CDYL: variants seen among roughly 807,000 people sequenced by gnomAD.
CDYL encodes the protein chromodomain Y like, also known as chromodomain Y-like protein.
Under a neutral mutation model 47.3 loss-of-function variants are expected in CDYL, and 8 were observed. The ratio of observed to expected loss-of-function variants is 0.17; its 90% CI spans 0.10 to 0.31. The LOEUF (loss-of-function observed/expected upper bound fraction) is 0.31, where lower values mean the gene tolerates loss of function less well. Ranked by LOEUF, CDYL falls within the 10% of genes least tolerant of loss-of-function variation. The pLI is 1.00. For synonymous variants in CDYL, 266 were observed against 265.0 expected (o/e 1.00, Z -0.04); for missense variants, 471 against 701.4 (o/e 0.67, Z 3.71).
intron 1 of CDYL, among the ~76,000 whole-genome samples, chr6:4,712,686 T>A (rs1360517501): frequency 6.6e-6 from 1 of 152,178 alleles, no homozygotes; most frequent in Admixed American, 6.5e-5. Context: ...AAGAGGAGAT[T>A]CGGACTGTTA....
chr6:4,765,317 C>T (rs532226262), intron 3 of CDYL, among the ~76,000 whole-genome samples: 13 of 149,380 alleles, frequency 8.7e-5, no homozygotes, highest in Non-Finnish European at 1.3e-4. Context: ...AGGGAGACTT[C>T]GTCTCAAAAA....
intron 1 of CDYL, among the ~76,000 whole-genome samples, chr6:4,782,898 T>C (rs1758654369): frequency 6.6e-6 from 1 of 152,216 alleles, no homozygotes; most frequent in Admixed American, 6.5e-5. Flanking sequence ...AGAAGTTGTA[T>C]GCTATTTCTA....
intron 2 of CDYL, among the ~76,000 whole-genome samples, chr6:4,899,408 G>A (rs6934198): frequency 0.98 from 149,281 of 152,314 alleles, 73,216 homozygotes; most frequent in East Asian, 1. Context: ...TAGGTTTGAG[G>A]GCTCATATAC....
rs1172381631 is a variant in CDYL, at chr6:4,708,167, CACACACACACATAT to C, written c.-39+1918_-39+1931del. 6.2e-5 allele frequency among the ~76,000 whole-genome samples: 8 copies of C among 128,282 alleles called. No homozygotes were observed. The South Asian group carries it at 1.3e-3, about 21-fold the overall frequency. 84.2% of individuals were successfully genotyped at this position (128,282 alleles called of 152,430 possible). A position where few individuals can be genotyped will look rare whatever the true frequency, so the allele number is the denominator to read the frequency against. Reference sequence around the variant, plus strand: ...GTGTACACACACACACACACACACACACACACACACATATATATATATATATTTGAGACAGAATC... The same window carrying C: ...GTGTACACACACACACACACACACACATATATATATATTTGAGACAGAATC... On this transcript the variant is annotated intron_variant, in intron 1 of 8. Coordinates refer to the CDYL transcript ENST00000328908.
At chr6:4,780,874 A>T (rs1343212578) in intron 1 of CDYL, among the ~76,000 whole-genome samples, 1 of 152,230 alleles carries the variant, frequency 6.6e-6, no homozygotes. Flanking sequence ...TTTATTTAGC[A>T]GTCAAGTAAC....
chr6:4,756,576 G>A (rs1467708082), intron 3 of CDYL, among the ~76,000 whole-genome samples: 3 of 138,642 alleles, frequency 2.2e-5, no homozygotes, highest in East Asian at 3.9e-4. Context: ...AAATTATCGT[G>A]TGTATGTGTG....
At chr6:4,829,570 A>G (rs1760076715) in intron 1 of CDYL, among the ~76,000 whole-genome samples, 1 of 152,132 alleles carries the variant, frequency 6.6e-6, no homozygotes, top group Admixed American at 6.5e-5. Flanking sequence ...CTTTCCCCTT[A>G]CACCCACATG....
At chr6:4,843,799 A>G (rs902022689) in intron 1 of CDYL, among the ~76,000 whole-genome samples, 1 of 152,142 alleles carries the variant, frequency 6.6e-6, no homozygotes, top group Admixed American at 6.5e-5. Context: ...TAGCTTAATA[A>G]TCGACCTGCT....
intron 2 of CDYL, among the ~76,000 whole-genome samples, chr6:4,725,236 C>A (rs1415524444): frequency 6.6e-6 from 1 of 152,248 alleles, no homozygotes; most frequent in Non-Finnish European, 1.5e-5. Context: ...CTCCAAGTCC[C>A]CACCAGAATC....
In CDYL at chr6:4,819,158, CTCTCTGTG is replaced by C. The variant is rs1365920750; in HGVS notation, c.24+42353_24+42360del. Among the ~76,000 whole-genome samples, 327 of 128,978 alleles carry C rather than the reference CTCTCTGTG, an allele frequency of 2.5e-3. 2 individuals carry two copies. Among genetic ancestry groups the C allele is most frequent in the African/African-American group, 0.012 (298 of 23,856 alleles). The allele number at this position is 128,978 out of a possible 152,430, so 84.6% of individuals were successfully genotyped here. A position where few individuals can be genotyped will look rare whatever the true frequency, so the allele number is the denominator to read the frequency against. ...TCTCTCTCTCTCTCTCTCTCTCTCT[CTCTCTGTG>C]TGTGTGTGTGTGTGTGTAGCTCTTC... On this transcript the variant is annotated intron_variant, in intron 1 of 6. Coordinates refer to ENST00000397588, the MANE Select transcript of CDYL (RefSeq NM_004824.4).
At chr6:4,734,098 C>T (rs1323438267) in intron 2 of CDYL, among the ~76,000 whole-genome samples, 7 of 152,174 alleles carry the variant, frequency 4.6e-5, no homozygotes, top group Non-Finnish European at 8.8e-5. Context: ...TCTCAGCCTC[C>T]CAAAGTGCTG....
intron 2 of CDYL, among the ~76,000 whole-genome samples, chr6:4,918,355 T>C (rs1156884549): frequency 1.3e-5 from 2 of 151,034 alleles, no homozygotes; most frequent in East Asian, 3.9e-4. Flanking sequence ...AAAAGAAAGG[T>C]TGGGTGATGT....
chr6:4,803,201 G>A (rs1244630553), intron 1 of CDYL, among the ~76,000 whole-genome samples: 1 of 151,964 alleles, frequency 6.6e-6, no homozygotes, highest in Non-Finnish European at 1.5e-5. Flanking sequence ...TTCTCAGCTG[G>A]CTCCCTGAGT....
chr6:4,775,771 G>A (rs1466029206), upstream of CDYL, among the ~76,000 whole-genome samples: 1 of 148,840 alleles, frequency 6.7e-6, no homozygotes, highest in Non-Finnish European at 1.5e-5. This position sits in a 1 kb window ranked among gnomAD's most constrained non-coding sequence, Gnocchi z 7.0. Flanking sequence ...GGCCGGTGGG[G>A]CGGGCATGGG....
chr6:4,832,389 C>A (rs1001987539), intron 1 of CDYL, among the ~76,000 whole-genome samples: 1 of 151,084 alleles, frequency 6.6e-6, no homozygotes, highest in African/African-American at 2.5e-5. Flanking sequence ...TATTGATTTG[C>A]GTATATTGAA....
intron 1 of CDYL, among the ~76,000 whole-genome samples, chr6:4,789,690 TC>T (rs1204290602): frequency 1.3e-5 from 2 of 152,174 alleles, no homozygotes; most frequent in Non-Finnish European, 2.9e-5. Flanking sequence ...TCAGCGTTGT[TC>T]CCAAATGACT....
Position 4,954,062 on chromosome 6 carries a change from G to A in CDYL, c.*6G>A, listed in dbSNP as rs773857349. ...GGAAGATCGATGAGTTCTGAGTGTC[G>A]GGCTGCCCACTGGTGACACCGGGAT... On this transcript the variant is annotated 3_prime_UTR_variant, in exon 7 of 7. Coordinates refer to ENST00000397588, the MANE Select transcript of CDYL (RefSeq NM_004824.4). 3.2e-5 allele frequency: 52 copies of A among 1,611,498 alleles called. No individual in the cohort carries two copies. Among genetic ancestry groups the A allele is most frequent in the African/African-American group, 9.3e-5 (7 of 74,882 alleles).
At chr6:4,757,356 A>G (rs2127421727) in intron 3 of CDYL, among the ~76,000 whole-genome samples, 1 of 152,348 alleles carries the variant, frequency 6.6e-6, no homozygotes, top group East Asian at 1.9e-4. Context: ...GTCATGATAC[A>G]TGGTAGAGGA....
At chr6:4,906,720 AC>A (rs1757248310) in intron 2 of CDYL, among the ~76,000 whole-genome samples, 1 of 152,228 alleles carries the variant, frequency 6.6e-6, no homozygotes, top group Non-Finnish European at 1.5e-5. Flanking sequence ...CAAAATTGTC[AC>A]AGCTTTATAA....
Sources: gnomAD v4.1 joint callset for allele counts (sites outside exome capture counted in the v4.1 genomes callset) on GRCh38, gnomAD v4.1.1 for gene constraint, Gnocchi (gnomAD v3.1) non-coding constraint, MANE v1.5 for transcripts, NCBI Gene and HGNC (gene_info 2026-07-23, HGNC 2026-07-21) for gene names.